IL34: variants seen among roughly 807,000 people sequenced by gnomAD.
The protein encoded by IL34 is interleukin 34.
A neutral mutation model predicts 25.3 loss-of-function variants in IL34; 17 were observed. That is an observed-to-expected ratio of 0.67 (90% CI 0.46 to 1.01). The LOEUF is 1.01. IL34 is among the 50% of genes least tolerant of loss of function. The pLI is 0.00. For synonymous variants in IL34, 174 were observed against 140.9 expected (o/e 1.23, Z -1.66); for missense variants, 368 against 312.9 (o/e 1.18, Z -1.33).
chr16:70,644,520 C>T (rs2051860221), upstream of IL34, among the ~76,000 whole-genome samples: 1 of 152,010 alleles, frequency 6.6e-6, no homozygotes, highest in Non-Finnish European at 1.5e-5. Flanking sequence ...AGTAATTACA[C>T]AGCTCTATAA....
Position 70,660,466 on chromosome 16 carries a change from C to T in IL34, c.*279C>T. The T allele has an allele frequency of 2.8e-6, 1 of 362,676 alleles. No homozygotes were observed. The highest frequency in any genetic ancestry group is 4.9e-6 in the Non-Finnish European group (1 of 202,372). The allele number at this position is 362,676 out of a possible 1,614,324, so 22.5% of individuals were successfully genotyped here. A position where few individuals can be genotyped will look rare whatever the true frequency, so the allele number is the denominator to read the frequency against. On this transcript the variant is annotated 3_prime_UTR_variant, in exon 6 of 6. Coordinates refer to ENST00000288098, the MANE Select transcript of IL34 (RefSeq NM_001393494.1). The stretch of plus-strand genomic sequence containing the variant: ...CTCCTGGTGCTGCCCTCACTGTCCC[C>T]CCGCCTAAAGGGGGTACTGAGCCTC...
At chr16:70,597,539 T>C (rs2050841704) in intron 1 of IL34, among the ~76,000 whole-genome samples, 1 of 152,114 alleles carries the variant, frequency 6.6e-6, no homozygotes, top group South Asian at 2.1e-4. Context: ...TCTAGCCCAG[T>C]TTTTTAGTTC....
chr16:70,626,196 A>T (rs1368793441), intron 1 of IL34, among the ~76,000 whole-genome samples: 1 of 152,112 alleles, frequency 6.6e-6, no homozygotes, highest in Non-Finnish European at 1.5e-5. Flanking sequence ...TATTAGTGAG[A>T]TCAGTCTTTT....
Position 70,660,448 on chromosome 16 carries a change from T to C in IL34, c.*261T>C, listed in dbSNP as rs113360715. On this transcript the variant is annotated 3_prime_UTR_variant, in exon 6 of 6. Coordinates refer to ENST00000288098, the MANE Select transcript of IL34 (RefSeq NM_001393494.1). ...GGACACAGCTCCTGGCTTCTCCTGG[T>C]GCTGCCCTCACTGTCCCCCCGCCTA... 8.1e-3 allele frequency: 3,356 copies of C among 411,976 alleles called. 22 individuals carry two copies. Among genetic ancestry groups the C allele is most frequent in the African/African-American group, 0.03 (1,493 of 49,042 alleles). The allele number at this position is 411,976 out of a possible 1,614,324, so 25.5% of individuals were successfully genotyped here.
chr16:70,633,082 A>G (rs540883823), intron 1 of IL34, among the ~76,000 whole-genome samples: 75 of 152,172 alleles, frequency 4.9e-4, no homozygotes, highest in Non-Finnish European at 9.9e-4. Flanking sequence ...CTCCCACCTT[A>G]GCCTCCTTAG....
At chr16:70,584,256 CCCTGGGAACTGGGCTGCAACTGG>C (rs1368793376) in intron 1 of IL34, among the ~76,000 whole-genome samples, 1 of 152,250 alleles carries the variant, frequency 6.6e-6, no homozygotes, top group African/African-American at 2.4e-5. Context: ...GGGCAGTGTC[CCCTGGGAACTGGGCTGCAACTGG>C]CCTGGGAACC....
At chr16:70,591,295 A>G (rs1288100432) in intron 1 of IL34, among the ~76,000 whole-genome samples, 5 of 152,008 alleles carry the variant, frequency 3.3e-5, no homozygotes, top group Admixed American at 1.3e-4. Context: ...CATAAATACC[A>G]TTCCTGATGG....
chr16:70,616,924 G>T (rs533267659), intron 1 of IL34, among the ~76,000 whole-genome samples: 1 of 152,120 alleles, frequency 6.6e-6, no homozygotes, highest in African/African-American at 2.4e-5. Flanking sequence ...CATTCCTGCC[G>T]CCTTATATTA....
intron 1 of IL34, among the ~76,000 whole-genome samples, chr16:70,619,240 T>A (rs921262081): frequency 4.0e-5 from 6 of 151,870 alleles, no homozygotes; most frequent in African/African-American, 7.3e-5. Flanking sequence ...TAAGGGTGAT[T>A]AGGTTTTAAT....
At chr16:70,598,153 C>G (rs939395776) in intron 1 of IL34, among the ~76,000 whole-genome samples, 1 of 152,072 alleles carries the variant, frequency 6.6e-6, no homozygotes, top group African/African-American at 2.4e-5. Flanking sequence ...GTTGAAGGGA[C>G]AGTTCCTTAA....
At chr16:70,651,682 T>G (rs2052082329) in intron 1 of IL34, among the ~76,000 whole-genome samples, 2 of 147,134 alleles carry the variant, frequency 1.4e-5, no homozygotes, top group African/African-American at 2.5e-5. Context: ...TGCTGGGGAG[T>G]GGGGAAAATC....
intron 1 of IL34, among the ~76,000 whole-genome samples, chr16:70,588,451 G>A (rs1176748696): frequency 6.6e-6 from 1 of 151,620 alleles, no homozygotes; most frequent in Non-Finnish European, 1.5e-5. Context: ...CTGAGATCAC[G>A]CCATTTCACT....
At chr16:70,622,672 G>T (rs1297804731) in intron 1 of IL34, among the ~76,000 whole-genome samples, 2 of 152,026 alleles carry the variant, frequency 1.3e-5, no homozygotes, top group African/African-American at 4.8e-5. Context: ...GAATAATGTG[G>T]GGGGCCAGAT....
chr16:70,624,028 T>C (rs1016315266), intron 1 of IL34, among the ~76,000 whole-genome samples: 3 of 151,774 alleles, frequency 2.0e-5, no homozygotes, highest in African/African-American at 4.8e-5. Flanking sequence ...TACGGGGCTT[T>C]CGAGGTGATC....
chr16:70,634,097 C>T (rs558143450), intron 1 of IL34, among the ~76,000 whole-genome samples: 9 of 151,348 alleles, frequency 5.9e-5, no homozygotes, highest in South Asian at 2.1e-4. Context: ...GTGATCTGCC[C>T]GCCTCGGCCT....
At chr16:70,589,976 G>A (rs1189207958) in intron 1 of IL34, among the ~76,000 whole-genome samples, 3 of 152,182 alleles carry the variant, frequency 2.0e-5, no homozygotes, top group Non-Finnish European at 2.9e-5. Flanking sequence ...TACAGGGTTC[G>A]TGAGGACAGG....
chr16:70,622,108 G>A (rs560617524), intron 1 of IL34, among the ~76,000 whole-genome samples: 33 of 152,084 alleles, frequency 2.2e-4, no homozygotes, highest in African/African-American at 7.9e-4. Flanking sequence ...TGGCTGATTT[G>A]ACTAATAAAG....
upstream of IL34, among the ~76,000 whole-genome samples, chr16:70,643,839 G>A (rs1345501287): frequency 1.3e-5 from 2 of 152,160 alleles, no homozygotes; most frequent in South Asian, 2.1e-4. Context: ...TGAGGGTTGT[G>A]TGATGACAAT....
chr16:70,651,975 A>T (rs180870877), intron 1 of IL34, among the ~76,000 whole-genome samples: 1 of 151,814 alleles, frequency 6.6e-6, no homozygotes, highest in Non-Finnish European at 1.5e-5. Context: ...AATACAAAAA[A>T]ATTTAGCTGG....
Sources: allele counts gnomAD v4.1 joint callset (sites outside exome capture counted in the v4.1 genomes callset), GRCh38; gene constraint gnomAD v4.1.1; transcripts MANE v1.5; gene names NCBI Gene and HGNC (gene_info 2026-07-23, HGNC 2026-07-21).